The following SORBS2 variants were observed in gnomAD, a reference collection of about 807,000 sequenced individuals.
SORBS2 encodes sorbin and SH3 domain-containing protein 2.
In SORBS2, 46 loss-of-function variants were observed where a neutral mutation model predicts 97.7. The observed-to-expected ratio is 0.47, with a 90% confidence interval of 0.37 to 0.60. SORBS2 has a LOEUF of 0.60. Among genes scored for constraint, SORBS2 ranks in the 20% least tolerant of loss-of-function variants. SORBS2 has a pLI of 0.00. For missense variants in SORBS2, 1,316 were observed against 1,282.3 expected, an observed-to-expected ratio of 1.03 and a Z score of -0.40; for synonymous variants, 476 against 473.4, an observed-to-expected ratio of 1.01 and a Z score of -0.07.
At chr4:185,765,236 A>G (rs2098927561) in intron 2 of SORBS2, among the ~76,000 whole-genome samples, 1 of 152,190 alleles carries the variant, frequency 6.6e-6, no homozygotes, top group African/African-American at 2.4e-5. Flanking sequence ...ATCTATGGTC[A>G]CCTAAAACAC....
At chr4:185,670,952 G>T (rs1485904688) in intron 4 of SORBS2, among the ~76,000 whole-genome samples, 1 of 152,200 alleles carries the variant, frequency 6.6e-6, no homozygotes, top group Non-Finnish European at 1.5e-5. Flanking sequence ...GTACCCAAAT[G>T]CAAGGAGTCA....
chr4:185,902,923 G>A (rs1488007675), intron 1 of SORBS2, among the ~76,000 whole-genome samples: 1 of 152,076 alleles, frequency 6.6e-6, no homozygotes, highest in Non-Finnish European at 1.5e-5. Flanking sequence ...CGTCATAATC[G>A]CTGAGTTGGA....
At chr4:185,827,295 C>CATT (rs2099201175) in intron 1 of SORBS2, among the ~76,000 whole-genome samples, 1 of 141,056 alleles carries the variant, frequency 7.1e-6, no homozygotes. Context: ...TCACCATCAT[C>CATT]ATCATCACCA....
rs186369949 is a variant in SORBS2, at chr4:185,928,595, G to T, written c.-338+27601C>A. Among the ~76,000 whole-genome samples the T allele has an allele frequency of 6.9e-3, 1,043 of 152,080 alleles. 15 individuals carry two copies. Among genetic ancestry groups the T allele is most frequent in the African/African-American group, 0.024 (997 of 41,468 alleles). On this transcript the variant is annotated intron_variant, in intron 1 of 20. Transcript: ENST00000284776. Reference sequence around the variant, plus strand: ...GAGTTTTGCTCTGTTGCCCAGGCTGGAGTGCAGTGGCGCGATCTTGGCTCA... The same window carrying T: ...GAGTTTTGCTCTGTTGCCCAGGCTGTAGTGCAGTGGCGCGATCTTGGCTCA...
chr4:185,647,931 C>A (rs1042372988), intron 3 of SORBS2, among the ~76,000 whole-genome samples: 1 of 151,920 alleles, frequency 6.6e-6, no homozygotes, highest in East Asian at 1.9e-4. Flanking sequence ...TAAATCAAAA[C>A]GTTAATTTTG....
At chr4:185,917,806 T>C (rs918256266) in intron 1 of SORBS2, among the ~76,000 whole-genome samples, 10 of 152,098 alleles carry the variant, frequency 6.6e-5, no homozygotes, top group African/African-American at 2.4e-4. Flanking sequence ...GTCTGCTGCT[T>C]GATGAGTGGG....
chr4:185,654,391 A>T (rs1455491087), intron 1 of SORBS2, among the ~76,000 whole-genome samples: 1 of 152,220 alleles, frequency 6.6e-6, no homozygotes, highest in African/African-American at 2.4e-5. Context: ...TTGTGCAAAA[A>T]TGTTTTCCTG....
chr4:185,660,721 A>C (rs2097502918), upstream of SORBS2, among the ~76,000 whole-genome samples: 2 of 152,156 alleles, frequency 1.3e-5, no homozygotes, highest in African/African-American at 4.8e-5. Flanking sequence ...GTGTCAAAGA[A>C]GACATGGTGG....
intron 11 of SORBS2, among the ~76,000 whole-genome samples, chr4:185,613,646 C>CAAAAAAAAA (rs35723770): frequency 1.2e-5 from 1 of 85,818 alleles, no homozygotes; most frequent in African/African-American, 4.2e-5. Context: ...CACTCCATCT[C>CAAAAAAAAA]AAAAAAAAAA....
chr4:185,928,243 A>C (rs2149953132), intron 1 of SORBS2, among the ~76,000 whole-genome samples: 1 of 152,184 alleles, frequency 6.6e-6, no homozygotes, highest in East Asian at 1.9e-4. Context: ...CTGTCTCTAT[A>C]AAAAATAAAA....
At chr4:185,863,298 G>GA (rs3080337) in intron 1 of SORBS2, among the ~76,000 whole-genome samples, 2 of 151,684 alleles carry the variant, frequency 1.3e-5, no homozygotes, top group African/African-American at 2.4e-5. Context: ...TACTGAGGTT[G>GA]AAAAAGAGAT....
chr4:185,662,092 T>C lies in SORBS2; in HGVS notation c.94+12A>G. On this transcript the variant is annotated intron_variant, in intron 5 of 20. Coordinates refer to the SORBS2 transcript ENST00000284776. ...AGGTTGCCATGGAAATCACGGTGAG[T>C]AAATTACTTACCGAGGGATGTGCCG... 6.2e-7 allele frequency: 1 copy of C among 1,613,742 alleles called. No individual in the cohort carries two copies. Among genetic ancestry groups the C allele is most frequent in the Non-Finnish European group, 8.5e-7 (1 of 1,179,862 alleles).
intron 1 of SORBS2, among the ~76,000 whole-genome samples, chr4:185,810,038 A>G (rs2153666244): frequency 6.6e-6 from 1 of 152,304 alleles, no homozygotes; most frequent in South Asian, 2.1e-4. Flanking sequence ...CTTAGCTGAT[A>G]TTTTTGCTCA....
At position 185,608,851 on chromosome 4, in the gene SORBS2, C is replaced by T. The variant is rs571398639; in HGVS notation, c.2796+2929G>A. Among the ~76,000 whole-genome samples the T allele has an allele frequency of 2.0e-5, 3 of 152,290 alleles. No individual in the cohort carries two copies. In the South Asian group the frequency reaches 6.2e-4, roughly 32 times the overall value. The stretch of plus-strand genomic sequence containing the variant: ...AAGATTCTGGAGATACACTTTCCAG[C>T]TGATTGTTTAGGATAACACTTTACA... On this transcript the variant is annotated intron_variant, in intron 12 of 14. Coordinates refer to ENST00000418609, the Ensembl canonical transcript of SORBS2.
At chr4:185,934,753 C>T (rs1430493728) in intron 1 of SORBS2, among the ~76,000 whole-genome samples, 1 of 148,724 alleles carries the variant, frequency 6.7e-6, no homozygotes, top group African/African-American at 2.5e-5. Context: ...CACTGGACTC[C>T]AGCCTGGGCA....
intron 1 of SORBS2, among the ~76,000 whole-genome samples, chr4:185,813,768 A>C: frequency 2.0e-5 from 3 of 151,484 alleles, no homozygotes; most frequent in East Asian, 1.9e-4. Flanking sequence ...CTCACTCATG[A>C]CTCTCCCAGG....
intron 1 of SORBS2, among the ~76,000 whole-genome samples, chr4:185,921,861 C>G (rs926596223): frequency 1.3e-5 from 2 of 152,346 alleles, no homozygotes; most frequent in South Asian, 2.1e-4. Context: ...AGTATCAACA[C>G]TCTTCAGCAC....
At chr4:185,795,037 G>A (rs2099098330) in intron 1 of SORBS2, among the ~76,000 whole-genome samples, 1 of 152,146 alleles carries the variant, frequency 6.6e-6, no homozygotes, top group Admixed American at 6.5e-5. Flanking sequence ...AAAAACACAA[G>A]TAGTGTGTAT....
At chr4:185,666,280 A>G in intron 4 of SORBS2, 1 of 755,214 alleles carries the variant, frequency 1.3e-6, no homozygotes, top group Non-Finnish European at 2.0e-6. Context: ...GATGTGGCAG[A>G]GAAGGCAAAG....
Sources: allele counts gnomAD v4.1 joint callset (sites outside exome capture counted in the v4.1 genomes callset), GRCh38; gene constraint gnomAD v4.1.1; transcripts MANE v1.5; gene names NCBI Gene and HGNC (gene_info 2026-07-23, HGNC 2026-07-21).